Variants in PDSS2 observed in about 807,000 individuals in gnomAD.
PDSS2 encodes the protein decaprenyl diphosphate synthase subunit 2.
A neutral mutation model predicts 44.5 loss-of-function variants in PDSS2; 31 were observed. That is an observed-to-expected ratio of 0.70 (90% CI 0.52 to 0.94). The LOEUF (loss-of-function observed/expected upper bound fraction) is 0.94. PDSS2 is among the 40% of genes least tolerant of loss of function. The probability of loss-of-function intolerance (pLI) is 0.00; values close to 1 mark genes in which losing one functional copy is unlikely to be tolerated. For synonymous variants in PDSS2, 157 were observed against 180.3 expected (o/e 0.87, Z 1.03); for missense variants, 452 against 482.2 (o/e 0.94, Z 0.59).
intron 7 of PDSS2, among the ~76,000 whole-genome samples, chr6:107,157,052 A>G (rs1264689646): frequency 6.6e-6 from 1 of 152,140 alleles, no homozygotes; most frequent in Non-Finnish European, 1.5e-5. Flanking sequence ...ATCTTAATAA[A>G]ATGCAAAGAC....
intron 6 of PDSS2, among the ~76,000 whole-genome samples, chr6:107,200,012 A>G (rs1772714069): frequency 1.3e-5 from 2 of 152,212 alleles, no homozygotes; most frequent in South Asian, 4.1e-4. Context: ...ATGAAAATTA[A>G]CCAACAAAAG....
chr6:107,199,631 C>A (rs184666316), intron 6 of PDSS2, among the ~76,000 whole-genome samples: 281 of 152,350 alleles, frequency 1.8e-3, no homozygotes, highest in Non-Finnish European at 3.0e-3. Flanking sequence ...GCTTCGTCTA[C>A]AATCTCCCAA....
chr6:107,402,466 ATATATATGTATACATATATACG>A (rs1780152877), intron 1 of PDSS2, among the ~76,000 whole-genome samples: 1 of 26,472 alleles, frequency 3.8e-5, no homozygotes, highest in South Asian at 5.6e-4. Context: ...ATATATACGT[ATATATATGTATACATATATACG>A]TATATATGTA....
intron 1 of PDSS2, among the ~76,000 whole-genome samples, chr6:107,419,204 C>T (rs1780752806): frequency 6.6e-6 from 1 of 152,118 alleles, no homozygotes; most frequent in Non-Finnish European, 1.5e-5. Context: ...ACGAGTTTCC[C>T]TAGGCCAAAG....
At chr6:107,421,024 T>C (rs564830222) in intron 1 of PDSS2, among the ~76,000 whole-genome samples, 4 of 152,236 alleles carry the variant, frequency 2.6e-5, no homozygotes, top group East Asian at 3.9e-4. Context: ...TATTTGAAAA[T>C]AGGCAAAAAG....
At chr6:107,302,228 T>C (rs1776719429) in intron 2 of PDSS2, among the ~76,000 whole-genome samples, 1 of 152,120 alleles carries the variant, frequency 6.6e-6, no homozygotes, top group Non-Finnish European at 1.5e-5. Context: ...AGGATCCGAT[T>C]GTTTAAAAAG....
intron 1 of PDSS2, among the ~76,000 whole-genome samples, chr6:107,446,042 G>A (rs1320467298): frequency 6.6e-6 from 1 of 152,078 alleles, no homozygotes; most frequent in South Asian, 2.1e-4. Context: ...AATTGGCCAG[G>A]CGCGGTGGCT....
chr6:107,184,763 C>A (rs1161791700), intron 7 of PDSS2, among the ~76,000 whole-genome samples: 1 of 151,974 alleles, frequency 6.6e-6, no homozygotes, highest in Non-Finnish European at 1.5e-5. Context: ...GTCAAAAACC[C>A]TATCCTTATA....
intron 1 of PDSS2, among the ~76,000 whole-genome samples, chr6:107,437,867 C>G (rs764714236): frequency 2.4e-4 from 37 of 152,190 alleles, no homozygotes; most frequent in Non-Finnish European, 4.3e-4. Flanking sequence ...TTCTTTCACT[C>G]TCGACACAGG....
At chr6:107,440,184 G>C (rs138525533) in intron 1 of PDSS2, among the ~76,000 whole-genome samples, 271 of 152,266 alleles carry the variant, frequency 1.8e-3, no homozygotes, top group Non-Finnish European at 3.1e-3. Context: ...TCATCCTAGA[G>C]AGGTTAGTAA....
chr6:107,276,017 G>A (rs961318486), intron 2 of PDSS2, among the ~76,000 whole-genome samples: 1 of 149,588 alleles, frequency 6.7e-6, no homozygotes, highest in Admixed American at 6.8e-5. Context: ...TTACTTGGGA[G>A]GCTGAGGTGG....
intron 1 of PDSS2, among the ~76,000 whole-genome samples, chr6:107,398,973 A>G (rs2114576197): frequency 6.6e-6 from 1 of 152,334 alleles, no homozygotes; most frequent in South Asian, 2.1e-4. Flanking sequence ...TTCATATTCT[A>G]CACAGGAAAT....
chr6:107,374,025 A>G (rs1316860693), intron 1 of PDSS2, among the ~76,000 whole-genome samples: 1 of 152,098 alleles, frequency 6.6e-6, no homozygotes, highest in Non-Finnish European at 1.5e-5. Flanking sequence ...AGGCCGAGGC[A>G]CGGCAGATTA....
intron 1 of PDSS2, among the ~76,000 whole-genome samples, chr6:107,361,202 T>C (rs1312589356): frequency 1.3e-5 from 2 of 152,210 alleles, no homozygotes; most frequent in South Asian, 2.1e-4. Flanking sequence ...AGATATTAAA[T>C]CTATTACTAA....
intron 1 of PDSS2, among the ~76,000 whole-genome samples, chr6:107,392,778 C>G (rs1167993267): frequency 6.6e-6 from 1 of 152,106 alleles, no homozygotes; most frequent in African/African-American, 2.4e-5. Flanking sequence ...TCAATTTACT[C>G]TAGTGTCAGA....
At chr6:107,401,334 A>G (rs1305655788) in intron 1 of PDSS2, among the ~76,000 whole-genome samples, 1 of 152,148 alleles carries the variant, frequency 6.6e-6, no homozygotes, top group Non-Finnish European at 1.5e-5. Flanking sequence ...GAAATTATAC[A>G]GTGTCTATAC....
At chr6:107,405,779 G>A (rs572318755) in intron 1 of PDSS2, among the ~76,000 whole-genome samples, 349 of 150,832 alleles carry the variant, frequency 2.3e-3, no homozygotes, top group Non-Finnish European at 4.1e-3. Flanking sequence ...CCCGGGAGGC[G>A]GAGCTTGCAG....
At chr6:107,287,207 C>T (rs897731677) in intron 2 of PDSS2, among the ~76,000 whole-genome samples, 4 of 152,194 alleles carry the variant, frequency 2.6e-5, no homozygotes, top group African/African-American at 7.2e-5. Context: ...AGCCCACAGA[C>T]ATACAATTTG....
chr6:107,317,623 A>G (rs1777242720), intron 2 of PDSS2, among the ~76,000 whole-genome samples: 1 of 152,232 alleles, frequency 6.6e-6, no homozygotes, highest in Admixed American at 6.5e-5. Context: ...CTGTCACTGG[A>G]CACCATCAGG....
Sources: allele counts gnomAD v4.1 joint callset (sites outside exome capture counted in the v4.1 genomes callset), GRCh38; gene constraint gnomAD v4.1.1; transcripts MANE v1.5; gene names NCBI Gene and HGNC (gene_info 2026-07-23, HGNC 2026-07-21).